The following TSPAN18 variants were observed in gnomAD, a reference collection of about 807,000 sequenced individuals.
TSPAN18 encodes tetraspanin-18.
A neutral mutation model predicts 27.3 loss-of-function variants in TSPAN18; 14 were observed. The observed-to-expected ratio is 0.51, with a 90% CI of 0.34 to 0.80. The LOEUF is 0.80. TSPAN18 is among the 30% of genes least tolerant of loss of function. The pLI is 0.01. For synonymous variants in TSPAN18, 143 were observed against 136.5 expected, an observed-to-expected ratio of 1.05 and a Z score of -0.33; for missense variants, 268 against 323.9, an observed-to-expected ratio of 0.83 and a Z score of 1.32.
intron 3 of TSPAN18, chr11:44,903,321 T>G (rs1178280728): frequency 1.4e-5 from 6 of 428,238 alleles, no homozygotes; most frequent in Non-Finnish European, 2.8e-5. Flanking sequence ...GGGATCAGCA[T>G]GAGCAGAGGC....
intron 2 of TSPAN18, among the ~76,000 whole-genome samples, chr11:44,839,982 G>A (rs1221029126): frequency 6.6e-6 from 1 of 152,178 alleles, no homozygotes; most frequent in Non-Finnish European, 1.5e-5. Flanking sequence ...GGATTGTGAT[G>A]GGACCCATGG....
rs375349718 is a variant in TSPAN18, at chr11:44,882,627, C to CACACACACACACACACAGAG, written c.-11+22159_-11+22160insCACACACACACACACAGAGA. On this transcript the variant is annotated intron_variant, in intron 3 of 9. Transcript: ENST00000520358. The stretch of plus-strand genomic sequence containing the variant: ...ACACACACACACACACACACACACA[C>CACACACACACACACACAGAG]AGAGAGAGAGCATGTGCGTGCATGT... Among the ~76,000 whole-genome samples the CACACACACACACACACAGAG allele has an allele frequency of 5.2e-3, 673 of 130,570 alleles. 4 individuals carry two copies. The highest frequency in any genetic ancestry group is 7.9e-3 in the Non-Finnish European group (491 of 62,352). The allele number at this position is 130,570 out of a possible 152,430, so 85.7% of individuals were successfully genotyped here. A position where few individuals can be genotyped will look rare whatever the true frequency, so the allele number is the denominator to read the frequency against.
intron 2 of TSPAN18, among the ~76,000 whole-genome samples, chr11:44,789,704 A>G (rs532812732): frequency 2.6e-5 from 4 of 152,292 alleles, no homozygotes; most frequent in Non-Finnish European, 5.9e-5. Flanking sequence ...GTATTCGTGG[A>G]ATGAGAAGAA....
At chr11:44,912,812 G>A (rs907791288) in intron 5 of TSPAN18, among the ~76,000 whole-genome samples, 4 of 149,782 alleles carry the variant, frequency 2.7e-5, no homozygotes, top group Admixed American at 6.7e-5. Flanking sequence ...GGTGTTATAC[G>A]TGCATGGGCG....
chr11:44,776,043 C>T (rs78076698), intron 2 of TSPAN18, among the ~76,000 whole-genome samples: 4,161 of 152,306 alleles, frequency 0.027, 137 homozygotes, highest in East Asian at 0.15. Context: ...TTGAATCTCT[C>T]TGCTGGCAGA....
chr11:44,816,333 A>G (rs1383443637), intron 2 of TSPAN18, among the ~76,000 whole-genome samples: 2 of 152,202 alleles, frequency 1.3e-5, no homozygotes, highest in Non-Finnish European at 2.9e-5. Flanking sequence ...CCCGCAACTG[A>G]AATTGTCCAG....
At chr11:44,846,660 T>C (rs1857492154) in intron 2 of TSPAN18, among the ~76,000 whole-genome samples, 1 of 152,014 alleles carries the variant, frequency 6.6e-6, no homozygotes, top group Non-Finnish European at 1.5e-5. Context: ...GGGCCAACCC[T>C]AGCTGAGAGG....
intron 2 of TSPAN18, among the ~76,000 whole-genome samples, chr11:44,836,906 A>G (rs993842711): frequency 6.6e-6 from 1 of 152,234 alleles, no homozygotes; most frequent in Admixed American, 6.5e-5. Context: ...CTGCTCAGAA[A>G]AAAAGATTCC....
At chr11:44,920,913 T>C (rs1860108555) in intron 8 of TSPAN18, among the ~76,000 whole-genome samples, 1 of 152,234 alleles carries the variant, frequency 6.6e-6, no homozygotes, top group Admixed American at 6.5e-5. Flanking sequence ...TCATGATTGC[T>C]GCGAAGAAAT....
chr11:44,928,158 G>A (rs183247537), intron 9 of TSPAN18, among the ~76,000 whole-genome samples: 117 of 152,320 alleles, frequency 7.7e-4, no homozygotes, highest in African/African-American at 2.7e-3. Flanking sequence ...TCTGGTCAGA[G>A]TCCCTGAGCT....
chr11:44,772,681 T>C (rs1341117487), intron 2 of TSPAN18, among the ~76,000 whole-genome samples: 1 of 152,180 alleles, frequency 6.6e-6, no homozygotes, highest in Non-Finnish European at 1.5e-5. Context: ...TATTTTGAGA[T>C]GGAATTTTGC....
chr11:44,892,721 T>C (rs1418119503), intron 3 of TSPAN18, among the ~76,000 whole-genome samples: 4 of 152,070 alleles, frequency 2.6e-5, no homozygotes, highest in African/African-American at 4.8e-5. Flanking sequence ...ACCCTGGGGA[T>C]TGGGGGCTCA....
At chr11:44,780,720 C>T (rs999654433) in intron 2 of TSPAN18, among the ~76,000 whole-genome samples, 5 of 152,216 alleles carry the variant, frequency 3.3e-5, no homozygotes, top group Non-Finnish European at 7.3e-5. Flanking sequence ...TGTCATGTCA[C>T]CCCCAAGCCT....
At chr11:44,799,833 T>C (rs774181075) in intron 2 of TSPAN18, among the ~76,000 whole-genome samples, 6 of 150,904 alleles carry the variant, frequency 4.0e-5, no homozygotes, top group Non-Finnish European at 7.4e-5. Flanking sequence ...GCTTGGCAAG[T>C]ATTTATTTAT....
chr11:44,921,524 G>C (rs974798851), intron 8 of TSPAN18, among the ~76,000 whole-genome samples: 7 of 152,182 alleles, frequency 4.6e-5, no homozygotes, highest in African/African-American at 1.7e-4. Context: ...GAGGTGATTT[G>C]TGCAACTTGA....
intron 5 of TSPAN18, among the ~76,000 whole-genome samples, chr11:44,910,816 G>A (rs967003679): frequency 7.9e-5 from 12 of 152,206 alleles, no homozygotes; most frequent in Admixed American, 2.0e-4. Context: ...CAGCCGAGCC[G>A]TGCGGATGAG....
At chr11:44,856,093 C>G (rs1857730683) in intron 2 of TSPAN18, among the ~76,000 whole-genome samples, 1 of 151,952 alleles carries the variant, frequency 6.6e-6, no homozygotes, top group Non-Finnish European at 1.5e-5. Flanking sequence ...CCATGTTAGC[C>G]AGGATGGTCT....
At chr11:44,903,919 A>G (rs1474802216) in intron 3 of TSPAN18, 1 of 456,044 alleles carries the variant, frequency 2.2e-6, no homozygotes. Context: ...AAGAGTATTA[A>G]TCTCATGGGT....
At position 44,788,456 on chromosome 11, in the gene TSPAN18, C is replaced by CTTTTTTTTTT. The variant is rs11458938; in HGVS notation, c.-153+23954_-153+23963dup. Reference sequence around the variant, plus strand: ...TGGAGGATGGGTTTTCTTTTTTTCTCTTTTTTTTTTTTTTTTTTTGAGCCA... The same window carrying CTTTTTTTTTT: ...TGGAGGATGGGTTTTCTTTTTTTCTCTTTTTTTTTTTTTTTTTTTTTTTTTTTTTGAGCCA... On this transcript the variant is annotated intron_variant, in intron 2 of 9. Transcript: ENST00000520358. Among the ~76,000 whole-genome samples, 121 of 126,764 alleles carry CTTTTTTTTTT rather than the reference C, an allele frequency of 9.5e-4. 2 individuals carry two copies. Among genetic ancestry groups the CTTTTTTTTTT allele is most frequent in the Middle Eastern group, 4.1e-3 (1 of 242 alleles). The allele number at this position is 126,764 out of a possible 152,430, so 83.2% of individuals were successfully genotyped here. A position where few individuals can be genotyped will look rare whatever the true frequency, so the allele number is the denominator to read the frequency against.
Sources: allele counts gnomAD v4.1 joint callset (sites outside exome capture counted in the v4.1 genomes callset), GRCh38; gene constraint gnomAD v4.1.1; transcripts MANE v1.5; gene names NCBI Gene and HGNC (gene_info 2026-07-23, HGNC 2026-07-21).